COMMD7: variants seen among roughly 807,000 people sequenced by gnomAD.
COMMD7 encodes COMM domain containing 7, also known as COMM domain-containing protein 7.
COMMD7 carries 28 observed loss-of-function variants against 34.8 expected under a neutral mutation model. The observed-to-expected ratio is 0.80, with a 90% CI of 0.60 to 1.10. COMMD7 has a LOEUF of 1.10. COMMD7 is among the 50% of genes least tolerant of loss of function. The pLI, the probability that COMMD7 is intolerant of heterozygous loss-of-function variation, is 0.00. For missense variants in COMMD7, 211 were observed against 241.6 expected (o/e 0.87, Z 0.84); for synonymous variants, 80 against 86.4 (o/e 0.93, Z 0.41).
chr20:32,735,243 ATT>A (rs61276496), intron 1 of COMMD7, among the ~76,000 whole-genome samples: 207 of 149,008 alleles, frequency 1.4e-3, no homozygotes, highest in Non-Finnish European at 2.2e-3. Flanking sequence ...AAAAAAAAAA[ATT>A]TTTTTTTAAA....
At chr20:32,705,358 G>GTA (rs559340881) in intron 5 of COMMD7, among the ~76,000 whole-genome samples, 112 of 138,574 alleles carry the variant, frequency 8.1e-4, no homozygotes, top group South Asian at 4.9e-3. Flanking sequence ...ATGTGTGTGT[G>GTA]TATATATATA....
intron 1 of COMMD7, among the ~76,000 whole-genome samples, chr20:32,730,662 G>A (rs770760936): frequency 1.3e-5 from 2 of 152,102 alleles, no homozygotes; most frequent in Non-Finnish European, 2.9e-5. Context: ...AGTGTTCTCC[G>A]TTGACTACTC....
At chr20:32,707,309 A>ATG (rs1568772699) in intron 3 of COMMD7, among the ~76,000 whole-genome samples, 1 of 140,116 alleles carries the variant, frequency 7.1e-6, no homozygotes, top group Admixed American at 7.2e-5. Flanking sequence ...ATATATATAT[A>ATG]CTTATCTCAA....
intron 5 of COMMD7, among the ~76,000 whole-genome samples, chr20:32,705,683 A>G (rs1984038412): frequency 6.6e-6 from 1 of 152,106 alleles, no homozygotes; most frequent in Admixed American, 6.6e-5. Context: ...AGTAGGAGGT[A>G]TATTTTTACA....
At chr20:32,721,878 C>CA (rs1985177780) in intron 3 of COMMD7, among the ~76,000 whole-genome samples, 1 of 141,516 alleles carries the variant, frequency 7.1e-6, no homozygotes, top group African/African-American at 2.6e-5. Context: ...GCCTGGGCGA[C>CA]AGAGCAAGAC....
At chr20:32,727,823 A>T (rs555866806) in intron 3 of COMMD7, 70 bp downstream of exon 3, 2 of 1,284,266 alleles carry the variant, frequency 1.6e-6, no homozygotes, top group East Asian at 2.3e-5. Context: ...GCATGCTTCA[A>T]TGACTCCATG....
At chr20:32,731,110 T>C (rs1411433136) in intron 1 of COMMD7, among the ~76,000 whole-genome samples, 7 of 152,100 alleles carry the variant, frequency 4.6e-5, no homozygotes, top group Admixed American at 2.0e-4. Context: ...AGTGAGAGGA[T>C]TGCTTGAGGC....
intron 1 of COMMD7, among the ~76,000 whole-genome samples, chr20:32,737,157 G>A (rs1370871866): frequency 6.6e-6 from 1 of 151,790 alleles, no homozygotes; most frequent in Non-Finnish European, 1.5e-5. Context: ...ATTCCAGCCT[G>A]GGTGACAGAG....
At chr20:32,735,010 G>A (rs771454853) in intron 1 of COMMD7, among the ~76,000 whole-genome samples, 4 of 152,118 alleles carry the variant, frequency 2.6e-5, no homozygotes, top group Non-Finnish European at 4.4e-5. Context: ...GTCTGAGGAA[G>A]GTGGATCACC....
chr20:32,715,494 C>CAAAG (rs386393636), intron 3 of COMMD7, among the ~76,000 whole-genome samples: 1 of 148,220 alleles, frequency 6.7e-6, no homozygotes, highest in Non-Finnish European at 1.5e-5. Context: ...AAAAAACAAA[C>CAAAG]AAAAAGAATA....
rs1491348866 is a variant in COMMD7, at chr20:32,705,377, T to TA, written c.337-474_337-473insT. ...GTGTGTGTATATATATATATATATATTTTTTTTTTTCTTTGAGATGGAGTC... is the reference window on the plus strand; with the variant it reads ...GTGTGTGTATATATATATATATATATATTTTTTTTTTCTTTGAGATGGAGTC... On this transcript the variant is annotated intron_variant, in intron 5 of 8. Transcript: ENST00000278980. Among the ~76,000 whole-genome samples the TA allele has an allele frequency of 7.7e-3, 654 of 84,452 alleles. 1 individual carries two copies. Among genetic ancestry groups the TA allele is most frequent in the African/African-American group, 0.018 (346 of 19,556 alleles). The allele number at this position is 84,452 out of a possible 152,430, so 55.4% of individuals were successfully genotyped here.
intron 3 of COMMD7, among the ~76,000 whole-genome samples, chr20:32,717,838 G>A (rs1367882474): frequency 6.6e-6 from 1 of 151,860 alleles, no homozygotes; most frequent in Non-Finnish European, 1.5e-5. Context: ...AAAAGGCCAG[G>A]TACAGTGGCT....
In COMMD7 at chr20:32,712,120, A is replaced by C. The variant is rs193055016; in HGVS notation, c.242-5360T>G. 3.0e-3 allele frequency among the ~76,000 whole-genome samples: 455 copies of C among 151,918 alleles called. 2 individuals are homozygous for C. Among genetic ancestry groups the C allele is most frequent in the African/African-American group, 0.011 (444 of 41,408 alleles). ...CCCCATCTCTACTAAAAATACAAAA[A>C]TTAGCCGGGCGTGGTGGCAGGCGCC... On this transcript the variant is annotated intron_variant, in intron 3 of 8. Coordinates refer to ENST00000278980, the MANE Select transcript of COMMD7 (RefSeq NM_053041.3).
rs1435564750 is a variant in COMMD7 at position 32,733,930 on chromosome 20, A to G, written c.85-5788T>C. On this transcript the variant is annotated intron_variant, in intron 1 of 8. Coordinates refer to ENST00000278980, the MANE Select transcript of COMMD7 (RefSeq NM_053041.3). ...GCGGTGGCTCACACCTGTAATCCCA[A>G]TACTTAGGGAGGCCGAGGCGCGCAG... Among the ~76,000 whole-genome samples the G allele has an allele frequency of 2.0e-5, 3 of 149,968 alleles. No homozygotes were observed. In the Admixed American group the frequency reaches 2.0e-4, roughly 10 times the overall value.
Position 32,726,528 on chromosome 20 carries a change from C to A in COMMD7, c.241+1365G>T, listed in dbSNP as rs545222977. Among the ~76,000 whole-genome samples, 4 of 152,058 alleles carry A rather than the reference C, an allele frequency of 2.6e-5. No individual in the cohort carries two copies. The East Asian group carries it at 5.8e-4, about 22-fold the overall frequency. On this transcript the variant is annotated intron_variant, in intron 3 of 8. Coordinates refer to ENST00000278980, the MANE Select transcript of COMMD7 (RefSeq NM_053041.3). ...ACCAGCCTGTCCAACATGGTGAAAC[C>A]CTGTCTCTACTAAAAATACAAAAAA...
chr20:32,707,471 C>G (rs916251842), intron 3 of COMMD7, among the ~76,000 whole-genome samples: 5 of 151,540 alleles, frequency 3.3e-5, no homozygotes, highest in African/African-American at 1.2e-4. Flanking sequence ...AGGCGTGCGC[C>G]ACCACACCAA....
chr20:32,704,286 G>A lies in COMMD7; in HGVS notation c.477+154C>T, dbSNP rs116861745. On this transcript the variant is annotated intron_variant, in intron 7 of 8. Transcript: ENST00000278980. The stretch of plus-strand genomic sequence containing the variant: ...GATCTATTCATCTAAAAGTAGGCAT[G>A]TTAGTGACTACATCTTTAGCTGGCC... Among the ~76,000 whole-genome samples, 26 of 152,172 alleles carry A rather than the reference G, an allele frequency of 1.7e-4. No individual in the cohort carries two copies. The East Asian group carries it at 4.6e-3, about 27-fold the overall frequency.
At chr20:32,711,136 C>T (rs1984411386) in intron 3 of COMMD7, among the ~76,000 whole-genome samples, 1 of 151,922 alleles carries the variant, frequency 6.6e-6, no homozygotes, top group Admixed American at 6.6e-5. Flanking sequence ...GTGGCTCACG[C>T]CCATAATCCC....
At chr20:32,714,652 C>T (rs769642031) in intron 3 of COMMD7, among the ~76,000 whole-genome samples, 4 of 150,404 alleles carry the variant, frequency 2.7e-5, no homozygotes, top group South Asian at 2.1e-4. Context: ...GGTGAAACCT[C>T]GTCTCTACTA....
Sources: gnomAD v4.1 joint callset for allele counts (sites outside exome capture counted in the v4.1 genomes callset) on GRCh38, gnomAD v4.1.1 for gene constraint, MANE v1.5 for transcripts, NCBI Gene and HGNC (gene_info 2026-07-23, HGNC 2026-07-21) for gene names.